Variants in PATJ observed in about 807,000 individuals in gnomAD.
PATJ encodes PATJ crumbs cell polarity complex component, also known as inaD-like protein.
PATJ carries 190 observed loss-of-function variants against 224.9 expected under a neutral mutation model. That is an observed-to-expected ratio of 0.84 (90% CI 0.75 to 0.95). The LOEUF (loss-of-function observed/expected upper bound fraction) is 0.95, where lower values mean the gene tolerates loss of function less well. Ranked by LOEUF, PATJ falls within the 40% of genes least tolerant of loss-of-function variation. PATJ has a pLI of 0.00. For missense variants in PATJ, 2,121 were observed against 2,270.3 expected, an observed-to-expected ratio of 0.93 and a Z score of 1.34; for synonymous variants, 769 against 820.3, an observed-to-expected ratio of 0.94 and a Z score of 1.07.
chr1:61,882,104 C>A (rs1668183633), intron 21 of PATJ, among the ~76,000 whole-genome samples: 1 of 152,128 alleles, frequency 6.6e-6, no homozygotes, highest in Admixed American at 6.6e-5. Context: ...GAGCAGTGAA[C>A]AAAATAAAGT....
At chr1:62,057,888 T>C (rs896797370) in intron 31 of PATJ, among the ~76,000 whole-genome samples, 5 of 152,236 alleles carry the variant, frequency 3.3e-5, no homozygotes, top group Non-Finnish European at 7.3e-5. Context: ...ATGTGCTTAC[T>C]GTACTTCCCT....
At chr1:62,119,081 A>G (rs747919816) in intron 37 of PATJ, among the ~76,000 whole-genome samples, 1 of 152,172 alleles carries the variant, frequency 6.6e-6, no homozygotes, top group Admixed American at 6.5e-5. Flanking sequence ...CCTGGGACAA[A>G]GTATCAAATA....
chr1:62,085,918 T>G (rs1659912597), intron 33 of PATJ, among the ~76,000 whole-genome samples: 1 of 152,128 alleles, frequency 6.6e-6, no homozygotes, highest in East Asian at 1.9e-4. Flanking sequence ...ACTCATAATT[T>G]TTTTTAGAAG....
At chr1:62,046,208 AAAGG>A (rs1277021931) in intron 30 of PATJ, among the ~76,000 whole-genome samples, 7 of 139,168 alleles carry the variant, frequency 5.0e-5, no homozygotes, top group East Asian at 4.5e-4. Flanking sequence ...AAGAAAAAAG[AAAGG>A]AAGGAAGGAA....
intron 27 of PATJ, among the ~76,000 whole-genome samples, chr1:61,978,834 C>G (rs1354285780): frequency 6.6e-6 from 1 of 151,936 alleles, no homozygotes; most frequent in Non-Finnish European, 1.5e-5. Context: ...AGTCATTATT[C>G]CAGTGTGTTG....
At chr1:62,070,170 A>G (rs1174191363) in intron 31 of PATJ, among the ~76,000 whole-genome samples, 1 of 152,250 alleles carries the variant, frequency 6.6e-6, no homozygotes, top group Non-Finnish European at 1.5e-5. Flanking sequence ...AAACAGAGGC[A>G]CTTACTTTTG....
rs749325698 is a variant in PATJ at position 62,117,132 on chromosome 1, T to A, written c.4804T>A (p.Cys1602Ser). The A allele has an allele frequency of 2.5e-6, 4 of 1,612,190 alleles. No homozygotes were observed. The change falls in exon 37 of 44, where the codon TGT becomes AGT. Residue 1602 changes from cysteine (C) to serine (S), a missense_variant and splice_region_variant. Physicochemically the swap from Cys to Ser is moderately radical, Grantham distance 112. Coordinates refer to ENST00000642238, the MANE Select transcript of PATJ (RefSeq NM_001350145.3). ...SQETVATILK[C>S]AQGLVQLEIG... ...TCTGTTCTTTTCTTGCCTTTCCAAG[T>A]GTGCACAGGGACTTGTGCAGCTAGA... is the stretch of plus-strand genomic sequence containing the variant.
chr1:61,810,663 C>G (rs1654530477), intron 14 of PATJ, among the ~76,000 whole-genome samples: 1 of 151,706 alleles, frequency 6.6e-6, no homozygotes, highest in East Asian at 1.9e-4. Context: ...TGCCACTGCA[C>G]TCCAGCCTGG....
In PATJ at chr1:62,043,957, G is replaced by A. The variant is rs191004583; in HGVS notation, c.4032+5908G>A. 2.6e-3 allele frequency among the ~76,000 whole-genome samples: 402 copies of A among 152,210 alleles called. 2 individuals are homozygous for A. Among genetic ancestry groups the A allele is most frequent in the African/African-American group, 9.2e-3 (383 of 41,530 alleles). On this transcript the variant is annotated intron_variant, in intron 30 of 43. Transcript: ENST00000642238. ...TGCCCATGCCCAGTCTGCTGGGCTC[G>A]AGAGATCCTCCCACCTCAGCCCCTC...
At chr1:62,005,417 G>GTT (rs533186698) in intron 28 of PATJ, among the ~76,000 whole-genome samples, 4,616 of 116,242 alleles carry the variant, frequency 0.04, 200 homozygotes, top group African/African-American at 0.11. Context: ...ATATGATGTG[G>GTT]TTTTTTTTTT....
At chr1:62,020,871 G>C (rs1373668784) in intron 29 of PATJ, among the ~76,000 whole-genome samples, 1 of 152,098 alleles carries the variant, frequency 6.6e-6, no homozygotes, top group Non-Finnish European at 1.5e-5. Context: ...TGTCACCCAG[G>C]CTGGAGTGCA....
rs553690338 is a variant in PATJ at position 61,807,546 on chromosome 1, C to T, written c.1627-928C>T. Among the ~76,000 whole-genome samples the T allele has an allele frequency of 3.9e-5, 6 of 151,912 alleles. No homozygotes were observed. The Middle Eastern group carries it at 0.02, about 517-fold the overall frequency. On this transcript the variant is annotated intron_variant, in intron 13 of 43. Transcript: ENST00000642238. ...TATTTATTACATGGTGAGGTCATAACAGACAAATTATAAAGAGGAGACAGA... is the reference window on the plus strand; with the variant it reads ...TATTTATTACATGGTGAGGTCATAATAGACAAATTATAAAGAGGAGACAGA...
chr1:61,811,064 T>C (rs1654664239), intron 14 of PATJ, among the ~76,000 whole-genome samples: 1 of 152,134 alleles, frequency 6.6e-6, no homozygotes, highest in Admixed American at 6.5e-5. Flanking sequence ...TCTTAGAAAA[T>C]GATCTAAAGT....
intron 41 of PATJ, among the ~76,000 whole-genome samples, chr1:62,143,370 G>A (rs1437455280): frequency 6.7e-6 from 1 of 148,176 alleles, no homozygotes; most frequent in Non-Finnish European, 1.5e-5. Context: ...TGTTAATTTT[G>A]ATACATCTTT....
chr1:62,093,771 G>A (rs1252137949), intron 33 of PATJ, among the ~76,000 whole-genome samples: 6 of 152,058 alleles, frequency 3.9e-5, no homozygotes, highest in Non-Finnish European at 7.4e-5. Context: ...AAAATATAAT[G>A]CAAATCATAT....
intron 17 of PATJ, among the ~76,000 whole-genome samples, chr1:61,836,584 C>T (rs950990093): frequency 6.6e-6 from 1 of 152,208 alleles, no homozygotes; most frequent in Non-Finnish European, 1.5e-5. Context: ...GCACATTTTT[C>T]ACCATTTGTC....
chr1:61,959,496 A>G (rs1680962164), intron 27 of PATJ, among the ~76,000 whole-genome samples: 1 of 144,194 alleles, frequency 6.9e-6, no homozygotes, highest in Admixed American at 7.2e-5. Flanking sequence ...GTGCAGTGGC[A>G]CAATCATGGC....
chr1:61,856,377 A>T, intron 18 of PATJ, 138 bp downstream of exon 18: 1 of 665,120 alleles, frequency 1.5e-6, no homozygotes, highest in Non-Finnish European at 2.6e-6. Context: ...AGGTTTCTTA[A>T]TGTCCTTGAC....
chr1:61,925,996 G>T (rs1016423123), intron 26 of PATJ, among the ~76,000 whole-genome samples: 4 of 152,182 alleles, frequency 2.6e-5, no homozygotes, highest in African/African-American at 7.2e-5. Context: ...CATTGAACAA[G>T]AATTATTTGC....
Sources: allele counts gnomAD v4.1 joint callset (sites outside exome capture counted in the v4.1 genomes callset), GRCh38; gene constraint gnomAD v4.1.1; transcripts MANE v1.5; gene names NCBI Gene and HGNC (gene_info 2026-07-23, HGNC 2026-07-21).